Variants in HDAC9 observed in about 807,000 individuals in gnomAD.
HDAC9 encodes MEF-2 interacting transcription repressor (MITR) protein.
Under a neutral mutation model 139.4 loss-of-function variants are expected in HDAC9, and 41 were observed. That is an observed-to-expected ratio of 0.29 (90% CI 0.23 to 0.38). HDAC9 has a LOEUF of 0.38. HDAC9 is among the 10% of genes least tolerant of loss of function. The probability of loss-of-function intolerance (pLI) is 1.00; values close to 1 mark genes in which losing one functional copy is unlikely to be tolerated. For synonymous variants in HDAC9, 517 were observed against 476.2 expected, an observed-to-expected ratio of 1.09 and a Z score of -1.12; for missense variants, 1,147 against 1,297.0, an observed-to-expected ratio of 0.88 and a Z score of 1.78.
chr7:18,923,461 T>G (rs545665706), intron 22 of HDAC9, among the ~76,000 whole-genome samples: 31 of 152,062 alleles, frequency 2.0e-4, no homozygotes, highest in African/African-American at 7.2e-4. Flanking sequence ...GCTTTTTTAT[T>G]TATTCTGGTA....
intron 21 of HDAC9, among the ~76,000 whole-genome samples, chr7:18,841,015 G>T (rs1444913566): frequency 6.6e-6 from 1 of 152,064 alleles, no homozygotes; most frequent in Non-Finnish European, 1.5e-5. Flanking sequence ...GTCAATAATG[G>T]TCAGCCTAGA....
intron 25 of HDAC9, among the ~76,000 whole-genome samples, chr7:18,986,880 G>C (rs967079183): frequency 6.6e-5 from 10 of 152,270 alleles, no homozygotes; most frequent in Admixed American, 2.6e-4. Context: ...TCTGTTGTTG[G>C]TGTATAAGAA....
chr7:18,934,877 A>G (rs1781514839), intron 22 of HDAC9, among the ~76,000 whole-genome samples: 1 of 152,188 alleles, frequency 6.6e-6, no homozygotes, highest in Non-Finnish European at 1.5e-5. Flanking sequence ...TAACGACAAA[A>G]AAACTGGAAT....
intron 2 of HDAC9, among the ~76,000 whole-genome samples, chr7:18,213,266 T>C (rs2128169859): frequency 6.6e-6 from 1 of 152,300 alleles, no homozygotes; most frequent in Non-Finnish European, 1.5e-5. Context: ...ATTTAGAGAA[T>C]GATGAGCAGT....
chr7:18,361,244 C>G (rs549447779), intron 1 of HDAC9, among the ~76,000 whole-genome samples: 1 of 152,216 alleles, frequency 6.6e-6, no homozygotes, highest in South Asian at 2.1e-4. Context: ...ACTGGGTTTT[C>G]TTCTCCTAAA....
At chr7:18,158,730 C>T (rs1185003699) in intron 1 of HDAC9, among the ~76,000 whole-genome samples, 1 of 152,204 alleles carries the variant, frequency 6.6e-6, no homozygotes, top group Non-Finnish European at 1.5e-5. Flanking sequence ...GATGCTATTA[C>T]TATTGAGAAG....
At chr7:18,973,810 T>A (rs1224013931) in intron 24 of HDAC9, among the ~76,000 whole-genome samples, 1 of 152,230 alleles carries the variant, frequency 6.6e-6, no homozygotes, top group Non-Finnish European at 1.5e-5. Flanking sequence ...TTAGACATCA[T>A]GGTTTCCCAC....
intron 1 of HDAC9, among the ~76,000 whole-genome samples, chr7:18,122,100 A>C (rs1784398578): frequency 6.6e-6 from 1 of 152,200 alleles, no homozygotes; most frequent in Non-Finnish European, 1.5e-5. Context: ...TAATTATAGT[A>C]TTGAAAAGCC....
intron 2 of HDAC9, among the ~76,000 whole-genome samples, chr7:18,212,182 C>T (rs1303585067): frequency 6.6e-6 from 1 of 152,058 alleles, no homozygotes; most frequent in Non-Finnish European, 1.5e-5. Flanking sequence ...ATGAATAATA[C>T]AACTATGGAG....
chr7:18,522,412 C>G (rs1805350386), intron 2 of HDAC9, among the ~76,000 whole-genome samples: 1 of 152,072 alleles, frequency 6.6e-6, no homozygotes, highest in South Asian at 2.1e-4. Context: ...CAACAATATG[C>G]TAAGAGTGCA....
intron 13 of HDAC9, among the ~76,000 whole-genome samples, chr7:18,748,110 C>T (rs760698560): frequency 6.1e-4 from 93 of 152,252 alleles, no homozygotes; most frequent in Non-Finnish European, 2.8e-4. Flanking sequence ...GTTTCCACCT[C>T]AAGGAATAGG....
chr7:18,593,797 AAG>A, intron 5 of HDAC9, 109 bp from the exon 6 acceptor site: 3 of 1,121,904 alleles, frequency 2.7e-6, no homozygotes, highest in Non-Finnish European at 4.0e-6. Context: ...ACTAAGGAGA[AAG>A]AGCATAAACA....
intron 15 of HDAC9, among the ~76,000 whole-genome samples, chr7:18,764,199 A>G (rs1324347574): frequency 6.6e-6 from 1 of 152,182 alleles, no homozygotes; most frequent in Non-Finnish European, 1.5e-5. Context: ...TGAAAGCAGC[A>G]AGTACCTATG....
chr7:18,235,308 G>A (rs1050529413), intron 2 of HDAC9, among the ~76,000 whole-genome samples: 4 of 151,918 alleles, frequency 2.6e-5, no homozygotes, highest in Admixed American at 1.3e-4. Context: ...ATATACCTCC[G>A]AGAGACCCAG....
At chr7:18,356,166 A>G (rs540243632) in intron 1 of HDAC9, among the ~76,000 whole-genome samples, 2 of 152,176 alleles carry the variant, frequency 1.3e-5, no homozygotes, top group South Asian at 4.1e-4. Context: ...AGACAGAATC[A>G]TTATTTGCAT....
rs147297682 is a variant in HDAC9, at chr7:19,000,586, G to A, written c.*4524G>A. The A allele has an allele frequency of 7.9e-5, 12 of 152,264 alleles. No homozygotes were observed. The East Asian group carries it at 2.1e-3, about 27-fold the overall frequency. 9.4% of individuals were successfully genotyped at this position (152,264 alleles called of 1,614,324 possible). On this transcript the variant is annotated 3_prime_UTR_variant, in exon 26 of 26. Coordinates refer to ENST00000686413, the MANE Select transcript of HDAC9 (RefSeq NM_178425.4). ...AAATACATTAAATACAATTAAGTCCGTTATTACTATGCTGGAAATAACTAG... is the reference window on the plus strand; with the variant it reads ...AAATACATTAAATACAATTAAGTCCATTATTACTATGCTGGAAATAACTAG...
chr7:18,682,730 A>C (rs1422388585), intron 12 of HDAC9, among the ~76,000 whole-genome samples: 2 of 151,914 alleles, frequency 1.3e-5, no homozygotes, highest in African/African-American at 4.8e-5. Flanking sequence ...TAGAGATCTT[A>C]AAAATTTTCT....
intron 24 of HDAC9, among the ~76,000 whole-genome samples, chr7:18,972,460 A>G (rs1221940963): frequency 2.8e-5 from 4 of 144,874 alleles, no homozygotes; most frequent in East Asian, 2.0e-4. Context: ...AGCTCACTGC[A>G]AGTTGGGCCT....
At chr7:18,484,381 C>T (rs1795814994) in intron 1 of HDAC9, among the ~76,000 whole-genome samples, 1 of 151,580 alleles carries the variant, frequency 6.6e-6, no homozygotes, top group Non-Finnish European at 1.5e-5. Context: ...CAAAGGTAGC[C>T]CCATTATCAT....
Sources: gnomAD v4.1 joint callset for allele counts (sites outside exome capture counted in the v4.1 genomes callset) on GRCh38, gnomAD v4.1.1 for gene constraint, MANE v1.5 for transcripts, NCBI Gene and HGNC (gene_info 2026-07-23, HGNC 2026-07-21) for gene names.